Variants in SOBP observed in about 807,000 individuals in gnomAD.
SOBP encodes the protein sine oculis binding protein homolog, also known as sine oculis-binding protein homolog.
A neutral mutation model predicts 53.6 loss-of-function variants in SOBP; 4 were observed. The ratio of observed to expected loss-of-function variants is 0.07; its 90% CI spans 0.04 to 0.17. The LOEUF (loss-of-function observed/expected upper bound fraction) is 0.17, where lower values mean the gene tolerates loss of function less well. Ranked by LOEUF, SOBP falls within the 10% of genes least tolerant of loss-of-function variation. The pLI, the probability that SOBP is intolerant of heterozygous loss-of-function variation, is 1.00. For missense variants in SOBP, 1,088 were observed against 1,204.7 expected, an observed-to-expected ratio of 0.90 and a Z score of 1.43; for synonymous variants, 584 against 522.6, an observed-to-expected ratio of 1.12 and a Z score of -1.60.
At chr6:107,583,414 A>G (rs1290581590) in intron 4 of SOBP, among the ~76,000 whole-genome samples, 1 of 152,216 alleles carries the variant, frequency 6.6e-6, no homozygotes, top group Non-Finnish European at 1.5e-5. Context: ...GGCCTTTTTA[A>G]GGAAGTGGTA....
intron 5 of SOBP, among the ~76,000 whole-genome samples, chr6:107,611,095 G>A (rs72945662): frequency 0.12 from 18,461 of 152,234 alleles, 1,251 homozygotes; most frequent in Admixed American, 0.19. Flanking sequence ...ATCAGCCTCC[G>A]TTCCTTTACT....
At chr6:107,617,663 A>G (rs1319551613) in intron 5 of SOBP, among the ~76,000 whole-genome samples, 1 of 152,104 alleles carries the variant, frequency 6.6e-6, no homozygotes, top group Non-Finnish European at 1.5e-5. Flanking sequence ...ATCCAAACTC[A>G]TCTCTCACAT....
At chr6:107,628,900 G>A (rs1770580432) in intron 5 of SOBP, among the ~76,000 whole-genome samples, 1 of 152,232 alleles carries the variant, frequency 6.6e-6, no homozygotes, top group African/African-American at 2.4e-5. Context: ...AGCTCATGCT[G>A]TGAGGTGACT....
At chr6:107,629,932 C>A (rs769277027) in intron 5 of SOBP, among the ~76,000 whole-genome samples, 3 of 152,204 alleles carry the variant, frequency 2.0e-5, no homozygotes, top group Non-Finnish European at 4.4e-5. Context: ...CCTTTGTGAT[C>A]TTTTTGTCTT....
chr6:107,537,784 T>C (rs1334315510), intron 4 of SOBP, among the ~76,000 whole-genome samples: 1 of 147,636 alleles, frequency 6.8e-6, no homozygotes, highest in African/African-American at 2.5e-5. Flanking sequence ...TGTGCCATTG[T>C]ACTCCTTCCT....
rs897503319 is a variant in SOBP, at chr6:107,490,369, C to T, written c.-248C>T. The T allele has an allele frequency of 1.1e-5, 2 of 180,056 alleles. No individual in the cohort carries two copies. The highest frequency in any genetic ancestry group is 2.4e-5 in the African/African-American group (1 of 41,580). 11.2% of individuals were successfully genotyped at this position (180,056 alleles called of 1,614,324 possible). On this transcript the variant is annotated 5_prime_UTR_variant, in exon 1 of 7. Coordinates refer to ENST00000317357, the MANE Select transcript of SOBP (RefSeq NM_018013.4). ...GCGGCAGCAGGAGCCGGAGCGACGG[C>T]GGCGGCATCCCCGAGACTCTCCGCA...
At chr6:107,557,024 C>T (rs1183694511) in intron 4 of SOBP, among the ~76,000 whole-genome samples, 3 of 152,198 alleles carry the variant, frequency 2.0e-5, no homozygotes, top group Non-Finnish European at 1.5e-5. Flanking sequence ...AAGGCATCCA[C>T]ATACCTCCAG....
chr6:107,587,261 T>C (rs1562634952), intron 5 of SOBP, 86 bp downstream of exon 5: 2 of 1,032,596 alleles, frequency 1.9e-6, no homozygotes, highest in East Asian at 4.8e-5. Context: ...CATGATTACA[T>C]AATTGATGAA....
intron 2 of SOBP, among the ~76,000 whole-genome samples, chr6:107,505,515 G>T (rs1425256502): frequency 6.6e-6 from 1 of 151,932 alleles, no homozygotes; most frequent in Admixed American, 6.6e-5. Flanking sequence ...AGAGACGGGG[G>T]TCTCACCATG....
chr6:107,497,417 CTA>C (rs1264766650), intron 1 of SOBP, among the ~76,000 whole-genome samples: 8 of 152,204 alleles, frequency 5.3e-5, no homozygotes, highest in Non-Finnish European at 8.8e-5. Flanking sequence ...ATGACTGAGA[CTA>C]TGTGTTAATT....
chr6:107,490,581 A>G lies in SOBP; in HGVS notation c.-36A>G, dbSNP rs1782553357. ...CACCACCACCGCCGGCGGCGGCAGC[A>G]GCCATTTCATCTCCACAGAAACCAG... On this transcript the variant is annotated 5_prime_UTR_variant, in exon 1 of 7. Coordinates refer to ENST00000317357, the MANE Select transcript of SOBP (RefSeq NM_018013.4). The G allele has an allele frequency of 2.0e-6, 3 of 1,518,548 alleles. No individual in the cohort carries two copies. Among genetic ancestry groups the G allele is most frequent in the Non-Finnish European group, 2.7e-6 (3 of 1,109,552 alleles). The allele number at this position is 1,518,548 out of a possible 1,614,324, so 94.1% of individuals were successfully genotyped here.
chr6:107,584,731 A>G (rs1402370919), intron 4 of SOBP, among the ~76,000 whole-genome samples: 1 of 152,116 alleles, frequency 6.6e-6, no homozygotes, highest in African/African-American at 2.4e-5. Context: ...CTCATAAATT[A>G]TGCAGCTTTA....
At chr6:107,590,941 C>A (rs887285432) in intron 5 of SOBP, among the ~76,000 whole-genome samples, 1 of 152,096 alleles carries the variant, frequency 6.6e-6, no homozygotes, top group Non-Finnish European at 1.5e-5. Context: ...CTAGACAGTG[C>A]AGGTAGGGAC....
At chr6:107,524,488 A>G (rs1425691638) in intron 3 of SOBP, among the ~76,000 whole-genome samples, 1 of 152,164 alleles carries the variant, frequency 6.6e-6, no homozygotes, top group Non-Finnish European at 1.5e-5. Flanking sequence ...TTTGGTCTGT[A>G]TTACTCTCTC....
rs552165436 is a variant in SOBP, at chr6:107,635,851, T to C, written c.*3+382T>C. Among the ~76,000 whole-genome samples, 3 of 152,284 alleles carry C rather than the reference T, an allele frequency of 2.0e-5. No homozygotes were observed. Among genetic ancestry groups the C allele is most frequent in the African/African-American group, 7.2e-5 (3 of 41,550 alleles). ...ATGGGGGGAGGGAGAAGAGATTAAC[T>C]TGGGACACCTAAATGTGTGATCATG... On this transcript the variant is annotated intron_variant, in intron 6 of 6. Transcript: ENST00000317357. This position sits in a 1 kb window ranked among gnomAD's most constrained non-coding sequence, Gnocchi z 4.5.
chr6:107,637,620 G>T (rs915973148), intron 6 of SOBP, among the ~76,000 whole-genome samples: 1 of 152,206 alleles, frequency 6.6e-6, no homozygotes, highest in African/African-American at 2.4e-5. Flanking sequence ...CAGAAAGTCA[G>T]AAAGCATTGG....
intron 5 of SOBP, among the ~76,000 whole-genome samples, chr6:107,591,727 C>G (rs1785755301): frequency 6.6e-6 from 1 of 152,182 alleles, no homozygotes; most frequent in African/African-American, 2.4e-5. Flanking sequence ...AATTCTGCTT[C>G]ATGGGAATTC....
intron 4 of SOBP, among the ~76,000 whole-genome samples, chr6:107,576,802 C>T (rs958844200): frequency 6.6e-6 from 1 of 152,192 alleles, no homozygotes; most frequent in Non-Finnish European, 1.5e-5. Flanking sequence ...CAGATGTAGG[C>T]AACCCTGGTT....
intron 6 of SOBP, among the ~76,000 whole-genome samples, chr6:107,643,743 T>TA (rs1424017595): frequency 6.6e-6 from 1 of 152,156 alleles, no homozygotes; most frequent in Non-Finnish European, 1.5e-5. Context: ...TTAAGTAATT[T>TA]ACCCAAAAGC....
Sources: allele counts gnomAD v4.1 joint callset (sites outside exome capture counted in the v4.1 genomes callset), GRCh38; gene constraint gnomAD v4.1.1; non-coding constraint Gnocchi (gnomAD v3.1); transcripts MANE v1.5; gene names NCBI Gene and HGNC (gene_info 2026-07-23, HGNC 2026-07-21).